Variants in HABP2 observed in about 807,000 individuals in gnomAD.
HABP2 encodes the protein factor VII-activating protease.
HABP2 carries 65 observed loss-of-function variants against 66.5 expected under a neutral mutation model. The observed-to-expected ratio is 0.98, with a 90% CI of 0.80 to 1.20. HABP2 has a LOEUF of 1.20. HABP2 is among the 50% of genes most tolerant of loss of function. The pLI, the probability that HABP2 is intolerant of heterozygous loss-of-function variation, is 0.00. For missense variants in HABP2, 786 were observed against 691.0 expected (o/e 1.14, Z -1.54); for synonymous variants, 263 against 253.9 (o/e 1.04, Z -0.34).
chr10:113,588,671 C>T lies in HABP2; in HGVS notation c.*302C>T, dbSNP rs1845726025. The T allele has an allele frequency of 5.6e-6, 3 of 533,992 alleles. No individual in the cohort carries two copies. Among genetic ancestry groups the T allele is most frequent in the Admixed American group, 3.5e-5 (1 of 28,606 alleles). 33.1% of individuals were successfully genotyped at this position (533,992 alleles called of 1,614,324 possible). The stretch of plus-strand genomic sequence containing the variant: ...AATCAGTGTTCACAGAGACTGCCTC[C>T]ACCACAGGCATCCTGCAAATGCAGA... On this transcript the variant is annotated 3_prime_UTR_variant, in exon 13 of 13. Coordinates refer to ENST00000351270, the MANE Select transcript of HABP2 (RefSeq NM_004132.5).
chr10:113,566,413 A>G lies in HABP2; in HGVS notation c.70-1076A>G, dbSNP rs560914503. 4.3e-4 allele frequency among the ~76,000 whole-genome samples: 66 copies of G among 152,410 alleles called. No individual in the cohort carries two copies. In the South Asian group the frequency reaches 0.013, roughly 31 times the overall value. On this transcript the variant is annotated intron_variant, in intron 1 of 12. Coordinates refer to ENST00000351270, the MANE Select transcript of HABP2 (RefSeq NM_004132.5). The stretch of plus-strand genomic sequence containing the variant: ...GAAGAGAGCATACTCCAGTTATTAA[A>G]TGAGTAATACTTTCTTTTTCAGGTT...
At position 113,577,283 on chromosome 10, in the gene HABP2, C is replaced by T. The variant is rs762577558; in HGVS notation, c.448+17C>T. On this transcript the variant is annotated intron_variant, in intron 5 of 12. Coordinates refer to ENST00000351270, the MANE Select transcript of HABP2 (RefSeq NM_004132.5). Reference sequence around the variant, plus strand: ...GCTCCCAAGGTAAGTGGTGGAGGCCCCTTCGACGCTAGACTTTCTGTGCCC... The same window carrying T: ...GCTCCCAAGGTAAGTGGTGGAGGCCTCTTCGACGCTAGACTTTCTGTGCCC... The T allele has an allele frequency of 3.9e-6, 5 of 1,269,744 alleles. No homozygotes were observed. Among genetic ancestry groups the T allele is most frequent in the Non-Finnish European group, 4.6e-6 (4 of 865,690 alleles). 78.7% of individuals were successfully genotyped at this position (1,269,744 alleles called of 1,614,324 possible).
At chr10:113,577,637 G>C (rs1459154150) in intron 5 of HABP2, among the ~76,000 whole-genome samples, 3 of 152,210 alleles carry the variant, frequency 2.0e-5, no homozygotes, top group Admixed American at 2.0e-4. Context: ...TCAAGGAGGA[G>C]CTTTACAGAT....
intron 1 of HABP2, among the ~76,000 whole-genome samples, chr10:113,563,460 G>A (rs11575640): frequency 0.019 from 2,842 of 152,294 alleles, 38 homozygotes; most frequent in Middle Eastern, 0.034. Context: ...GCCCCTCTCT[G>A]TGGGTGGACA....
intron 5 of HABP2, 57 bp from the exon 6 acceptor site, chr10:113,577,969 G>C: frequency 6.3e-7 from 1 of 1,595,406 alleles, no homozygotes; most frequent in Non-Finnish European, 8.5e-7. Context: ...TGTCATCTCA[G>C]ACATGGGCTG....
chr10:113,579,685 A>G (rs979546049), intron 7 of HABP2, among the ~76,000 whole-genome samples: 2 of 151,782 alleles, frequency 1.3e-5, no homozygotes, highest in African/African-American at 2.4e-5. Context: ...GCCAAGGCCA[A>G]TGAGTCAGAT....
At chr10:113,559,913 C>A in intron 1 of HABP2, among the ~76,000 whole-genome samples, 1 of 152,206 alleles carries the variant, frequency 6.6e-6, no homozygotes, top group East Asian at 1.9e-4. Context: ...GGCGTCAGAG[C>A]CAGGAGACTT....
At chr10:113,572,474 A>G (rs1845331325) in intron 2 of HABP2, among the ~76,000 whole-genome samples, 1 of 152,248 alleles carries the variant, frequency 6.6e-6, no homozygotes, top group Non-Finnish European at 1.5e-5. Context: ...GCATTTATCT[A>G]TAAACATCTG....
At chr10:113,565,496 G>T (rs1157900768) in intron 1 of HABP2, among the ~76,000 whole-genome samples, 1 of 152,184 alleles carries the variant, frequency 6.6e-6, no homozygotes, top group African/African-American at 2.4e-5. Flanking sequence ...GGGAGGGATG[G>T]AAGTGCCAGG....
At chr10:113,557,596 G>A (rs59313130) in intron 1 of HABP2, among the ~76,000 whole-genome samples, 6 of 152,084 alleles carry the variant, frequency 3.9e-5, no homozygotes, top group South Asian at 2.1e-4. Context: ...AAAATGGTTG[G>A]CGGGGAGGGG....
chr10:113,570,536 C>T (rs1427748755), intron 2 of HABP2, among the ~76,000 whole-genome samples: 1 of 152,208 alleles, frequency 6.6e-6, no homozygotes, highest in Non-Finnish European at 1.5e-5. Flanking sequence ...TAAACCTGAA[C>T]TGTTTTTCTA....
chr10:113,568,164 C>T (rs1845235489), intron 2 of HABP2, among the ~76,000 whole-genome samples: 2 of 152,240 alleles, frequency 1.3e-5, no homozygotes, highest in South Asian at 4.1e-4. Flanking sequence ...CAGGGCCACC[C>T]CTTCCACATC....
chr10:113,578,125 A>AG lies in HABP2; in HGVS notation c.552dup (p.Lys185GlufsTer4). On this transcript the variant is annotated frameshift_variant, in exon 6 of 13. Coordinates refer to ENST00000351270, the MANE Select transcript of HABP2 (RefSeq NM_004132.5). LOFTEE classifies it high-confidence loss of function. ...ACCTGTGCCTGTCCCGACCAGTTCA[A>AG]GGGGAAATTCTGTGAAATAGGTATG... 1 of 1,614,140 alleles carries AG rather than the reference A, an allele frequency of 6.2e-7. No homozygotes were observed. The highest frequency in any genetic ancestry group is 8.5e-7 in the Non-Finnish European group (1 of 1,179,998).
chr10:113,575,837 AG>A, intron 3 of HABP2, 59 bp from the exon 4 acceptor site: 5 of 896,398 alleles, frequency 5.6e-6, no homozygotes, highest in South Asian at 2.9e-5. Context: ...AAAAATTTGG[AG>A]GGGGGCGCTT....
Position 113,588,194 on chromosome 10 carries a change from G to A in HABP2, c.1519-11G>A, listed in dbSNP as rs758934098. 1 of 1,587,596 alleles carries A rather than the reference G, an allele frequency of 6.3e-7. No homozygotes were observed. The highest frequency in any genetic ancestry group is 1.2e-5 in the South Asian group (1 of 86,528). On this transcript the variant is annotated splice_polypyrimidine_tract_variant and intron_variant, in intron 12 of 12. Coordinates refer to ENST00000351270, the MANE Select transcript of HABP2 (RefSeq NM_004132.5). ...TTCACGAGGATGAGCTTATGCCTCT[G>A]TTTCCCTTAGGGTGACTCTGGAGGC...
In HABP2 at chr10:113,585,898, G is replaced by C; in HGVS notation, c.1478G>C (p.Cys493Ser). Residue 493 changes from cysteine (C) to serine (S), a missense_variant, in exon 12 of 13, where the codon TGT becomes TCT. Coordinates refer to ENST00000351270, the MANE Select transcript of HABP2 (RefSeq NM_004132.5). ...YDHMIDDSMI[C>S]AGNLQKPGQD... Reference sequence around the variant, plus strand: ...CACATGATTGATGACAGTATGATCTGTGCAGGAAATCTTCAGAAACCTGGG... The same window carrying C: ...CACATGATTGATGACAGTATGATCTCTGCAGGAAATCTTCAGAAACCTGGG... 6.2e-7 allele frequency: 1 copy of C among 1,613,926 alleles called. No homozygotes were observed. The highest frequency in any genetic ancestry group is 8.5e-7 in the Non-Finnish European group (1 of 1,179,792).
intron 1 of HABP2, among the ~76,000 whole-genome samples, chr10:113,559,121 C>T (rs1474906567): frequency 6.6e-6 from 1 of 152,178 alleles, no homozygotes; most frequent in East Asian, 1.9e-4. Flanking sequence ...TCCCAAAGTG[C>T]TGGGATTACC....
chr10:113,587,638 A>G (rs1845673729), intron 12 of HABP2, among the ~76,000 whole-genome samples: 1 of 152,164 alleles, frequency 6.6e-6, no homozygotes, highest in Non-Finnish European at 1.5e-5. Flanking sequence ...TCTCCTCACC[A>G]TCATCATCCT....
Position 113,585,900 on chromosome 10 carries a change from G to A in HABP2, c.1480G>A (p.Ala494Thr). 1 of 1,613,996 alleles carries A rather than the reference G, an allele frequency of 6.2e-7. No homozygotes were observed. Among genetic ancestry groups the A allele is most frequent in the Non-Finnish European group, 8.5e-7 (1 of 1,179,842 alleles). Residue 494 changes from alanine to threonine, a missense_variant, in exon 12 of 13, where the codon GCA (alanine) becomes ACA (threonine). Ala to Thr is a moderately conservative substitution (Grantham distance 58, BLOSUM62 0). Coordinates refer to ENST00000351270, the MANE Select transcript of HABP2 (RefSeq NM_004132.5). ...DHMIDDSMIC[A>T]GNLQKPGQDT... is the part of the protein sequence containing the mutation. ...CATGATTGATGACAGTATGATCTGT[G>A]CAGGAAATCTTCAGAAACCTGGGCA...
Sources: gnomAD v4.1 joint callset for allele counts (sites outside exome capture counted in the v4.1 genomes callset) on GRCh38, gnomAD v4.1.1 for gene constraint, MANE v1.5 for transcripts, NCBI Gene and HGNC (gene_info 2026-07-23, HGNC 2026-07-21) for gene names.